Variants in AGO2 observed in about 807,000 individuals in gnomAD.
AGO2 encodes the protein argonaute RISC catalytic component 2, also known as protein argonaute-2.
AGO2 carries 5 observed loss-of-function variants against 102.3 expected under a neutral mutation model. That is an observed-to-expected ratio of 0.05 (90% CI 0.03 to 0.10). The LOEUF is 0.10. Among genes scored for constraint, AGO2 ranks in the 10% least tolerant of loss-of-function variants. The probability of loss-of-function intolerance (pLI) is 1.00; values close to 1 mark genes in which losing one functional copy is unlikely to be tolerated. For missense variants in AGO2, 541 were observed against 1,183.7 expected (o/e 0.46, Z 7.97); for synonymous variants, 449 against 473.1 (o/e 0.95, Z 0.66).
intron 2 of AGO2, among the ~76,000 whole-genome samples, chr8:140,575,625 T>C (rs905298950): frequency 1.3e-5 from 2 of 152,156 alleles, no homozygotes; most frequent in Admixed American, 1.3e-4. Flanking sequence ...ACTCATTTCA[T>C]GAGGCTAGCA....
rs1306083792 is a variant in AGO2 at position 140,567,756 on chromosome 8, G to C, written c.336+5056C>G. 6.6e-6 allele frequency among the ~76,000 whole-genome samples: 1 copy of C among 152,196 alleles called. No homozygotes were observed. Among genetic ancestry groups the C allele is most frequent in the African/African-American group, 2.4e-5 (1 of 41,448 alleles). On this transcript the variant is annotated intron_variant, in intron 3 of 18. Transcript: ENST00000220592. This position sits in a 1 kb window ranked among gnomAD's most constrained non-coding sequence, Gnocchi z 5.0. ...CTGTCCGGAAATCCTCAGGGCGAGA[G>C]AAGTAGGACTGTCATGGGGTGATTC...
At chr8:140,544,997 C>G (rs971499002) in intron 13 of AGO2, among the ~76,000 whole-genome samples, 14 of 152,186 alleles carry the variant, frequency 9.2e-5, no homozygotes, top group African/African-American at 3.1e-4. Flanking sequence ...CCGCACACCC[C>G]ACCCAGCCTT....
At chr8:140,555,795 G>A (rs2073084181) in intron 10 of AGO2, 101 bp downstream of exon 10, 1 of 1,450,656 alleles carries the variant, frequency 6.9e-7, no homozygotes, top group African/African-American at 1.4e-5. Flanking sequence ...TCTCCTGCAT[G>A]GAACACAGTC....
At chr8:140,541,686 T>G (rs1368946023) in intron 14 of AGO2, among the ~76,000 whole-genome samples, 1 of 152,188 alleles carries the variant, frequency 6.6e-6, no homozygotes, top group African/African-American at 2.4e-5. Flanking sequence ...GCGGATCACC[T>G]GAGGTCAGGA....
chr8:140,560,898 G>T (rs2073187948), intron 4 of AGO2, among the ~76,000 whole-genome samples: 4 of 152,180 alleles, frequency 2.6e-5, no homozygotes, highest in Admixed American at 1.3e-4. Context: ...GATAGAATTG[G>T]GCACCTGCCA....
chr8:140,556,339 G>A (rs1360731201), intron 8 of AGO2, 53 bp from the exon 9 acceptor site: 1 of 1,601,242 alleles, frequency 6.2e-7, no homozygotes, highest in Non-Finnish European at 8.5e-7. Flanking sequence ...AGTGACCAGG[G>A]GAGCAGGCAG....
intron 1 of AGO2, among the ~76,000 whole-genome samples, chr8:140,588,097 C>T (rs1236061892): frequency 6.6e-6 from 1 of 152,222 alleles, no homozygotes; most frequent in African/African-American, 2.4e-5. Context: ...TCCAGACACC[C>T]CATGGGCACC....
rs373441828 is a variant in AGO2 at position 140,572,848 on chromosome 8, T to C, written c.300A>G (p.Leu100=). The change falls in exon 3 of 19, where the codon CTA becomes CTG. Residue 100 remains leucine (L), a synonymous_variant. Transcript: ENST00000220592. ...CAATCGGAAGGGGCATGGCTGTGTATAGATTCTTCCTGCCGTCAAACACGG... is the reference window on the plus strand; with the variant it reads ...CAATCGGAAGGGGCATGGCTGTGTACAGATTCTTCCTGCCGTCAAACACGG... ...RKPVFDGRKN[L]YTAMPLPIGR... 5.6e-5 allele frequency: 90 copies of C among 1,614,000 alleles called. No individual in the cohort carries two copies. The African/African-American group carries it at 8.8e-4, about 16-fold the overall frequency.
intron 10 of AGO2, among the ~76,000 whole-genome samples, chr8:140,552,738 G>GCA (rs2073022218): frequency 1.0e-5 from 1 of 97,346 alleles, no homozygotes; most frequent in African/African-American, 4.9e-5. Context: ...ACGCGCGCGC[G>GCA]CGCACACACA....
intron 13 of AGO2, among the ~76,000 whole-genome samples, chr8:140,545,059 A>T (rs2072875603): frequency 6.6e-6 from 1 of 152,216 alleles, no homozygotes; most frequent in Non-Finnish European, 1.5e-5. Flanking sequence ...CCGTTCTGCC[A>T]GCCCTGCCTG....
At chr8:140,642,060 G>GA in the AGO2 span, among the ~76,000 whole-genome samples, 10 of 148,058 alleles carry the variant, frequency 6.8e-5, no homozygotes, top group Non-Finnish European at 1.1e-4. Flanking sequence ...AAAGAAAAAG[G>GA]AAAAAAAAAG....
chr8:140,543,693 G>T (rs1296484044), intron 14 of AGO2, among the ~76,000 whole-genome samples: 4 of 152,230 alleles, frequency 2.6e-5, no homozygotes, highest in African/African-American at 9.6e-5. Context: ...TCTACTATGT[G>T]CCAGGCACCG....
chr8:140,610,813 A>C (rs969425754), intron 1 of AGO2, among the ~76,000 whole-genome samples: 5 of 152,260 alleles, frequency 3.3e-5, no homozygotes, highest in African/African-American at 1.2e-4. Context: ...AGACTTTGAA[A>C]AAAACACACA....
In AGO2 at chr8:140,551,368, G is replaced by C. The variant is rs142051728; in HGVS notation, c.1338C>G (p.Ile446Met). Residue 446 changes from isoleucine to methionine, a missense_variant, in exon 11 of 19, where the codon ATC becomes ATG. By Grantham distance (10) the Ile-to-Met change is conservative. Transcript: ENST00000220592. ...DMRNKQFHTG[I>M]EIKVWAIACF... ...ACGCAATGGCCCACACCTTGATCTC[G>C]ATGCCCGTGTGGAACTGCTTGTTCC... 3.1e-6 allele frequency: 5 copies of C among 1,599,776 alleles called. No homozygotes were observed. The highest frequency in any genetic ancestry group is 2.2e-5 in the South Asian group (2 of 89,870).
At position 140,567,863 on chromosome 8, in the gene AGO2, G is replaced by A. The variant is rs73713191; in HGVS notation, c.336+4949C>T. Among the ~76,000 whole-genome samples the A allele has an allele frequency of 0.038, 5,765 of 152,226 alleles. 352 individuals are homozygous for A. The highest frequency in any genetic ancestry group is 0.13 in the African/African-American group (5,451 of 41,528). Reference sequence around the variant, plus strand: ...GCAAAGAGGCCAGCCTGGGGCTCACGCCTGTAATCCCAGTACCGTGGGAGG... The same window carrying A: ...GCAAAGAGGCCAGCCTGGGGCTCACACCTGTAATCCCAGTACCGTGGGAGG... On this transcript the variant is annotated intron_variant, in intron 3 of 18. Transcript: ENST00000220592. The surrounding 1 kb of genome is among the most constrained non-coding windows in gnomAD (Gnocchi z 5.0).
At chr8:140,625,247 A>G (rs2074261158) in intron 1 of AGO2, among the ~76,000 whole-genome samples, 1 of 152,190 alleles carries the variant, frequency 6.6e-6, no homozygotes, top group Admixed American at 6.5e-5. Flanking sequence ...CTGGAATTAC[A>G]GGCGCCTGCC....
chr8:140,611,759 G>GT (rs1247642787), intron 1 of AGO2, among the ~76,000 whole-genome samples: 6 of 152,190 alleles, frequency 3.9e-5, no homozygotes, highest in Admixed American at 3.3e-4. Context: ...GTGACCTCGA[G>GT]TAGGGTGCCG....
In AGO2 at chr8:140,560,465, G is replaced by A. The variant is rs1352212384; in HGVS notation, c.564C>T (p.Cys188=). 31 of 1,614,260 alleles carry A rather than the reference G, an allele frequency of 1.9e-5. No individual in the cohort carries two copies. Among genetic ancestry groups the A allele is most frequent in the Non-Finnish European group, 2.5e-5 (30 of 1,180,050 alleles). Residue 188 remains cysteine, a synonymous_variant, in exon 5 of 19, where the codon TGC becomes TGT. Coordinates refer to ENST00000220592, the MANE Select transcript of AGO2 (RefSeq NM_012154.5). ...GRSFFTASEG[C]SNPLGGGREV... is the part of the protein sequence containing the mutation. Reference sequence around the variant, plus strand: ...CTCGGCCCCCGCCAAGAGGGTTAGAGCAGCCTTCGGACGCGGTGAAGAAGG... The same window carrying A: ...CTCGGCCCCCGCCAAGAGGGTTAGAACAGCCTTCGGACGCGGTGAAGAAGG...
intron 8 of AGO2, among the ~76,000 whole-genome samples, chr8:140,556,822 G>A (rs1204693139): frequency 6.6e-6 from 1 of 152,136 alleles, no homozygotes; most frequent in African/African-American, 2.4e-5. Flanking sequence ...CGGAGCACCT[G>A]CCTCGCGCTG....
Sources: gnomAD v4.1 joint callset for allele counts (sites outside exome capture counted in the v4.1 genomes callset) on GRCh38, gnomAD v4.1.1 for gene constraint, Gnocchi (gnomAD v3.1) non-coding constraint, MANE v1.5 for transcripts, NCBI Gene and HGNC (gene_info 2026-07-23, HGNC 2026-07-21) for gene names.